PRICKLE1: variants seen among roughly 807,000 people sequenced by gnomAD.
PRICKLE1 encodes prickle-like protein 1.
In PRICKLE1, 14 loss-of-function variants were observed where a neutral mutation model predicts 70.2. The ratio of observed to expected loss-of-function variants is 0.20; its 90% CI spans 0.13 to 0.31. The LOEUF is 0.31. Ranked by LOEUF, PRICKLE1 falls within the 10% of genes least tolerant of loss-of-function variation. The pLI, the probability that PRICKLE1 is intolerant of heterozygous loss-of-function variation, is 1.00. For missense variants in PRICKLE1, 821 were observed against 1,026.2 expected, an observed-to-expected ratio of 0.80 and a Z score of 2.73; for synonymous variants, 357 against 379.9, an observed-to-expected ratio of 0.94 and a Z score of 0.70.
chr12:42,510,593 T>A (rs1939494925), intron 1 of PRICKLE1, among the ~76,000 whole-genome samples: 1 of 151,868 alleles, frequency 6.6e-6, no homozygotes, highest in Non-Finnish European at 1.5e-5. Context: ...ACTTTTTTTT[T>A]AAAGGTTTTT....
intron 1 of PRICKLE1, among the ~76,000 whole-genome samples, chr12:42,531,892 T>C (rs541866221): frequency 3.3e-5 from 5 of 152,348 alleles, no homozygotes; most frequent in Admixed American, 1.3e-4. Context: ...GTATGGTAAC[T>C]TATGCTTGTA....
At chr12:42,479,499 A>G (rs1157678199) in intron 1 of PRICKLE1, among the ~76,000 whole-genome samples, 2 of 152,260 alleles carry the variant, frequency 1.3e-5, no homozygotes, top group African/African-American at 4.8e-5. Flanking sequence ...CCTTATTCAT[A>G]TAACACAGTG....
rs1938022245 is a variant in PRICKLE1 at position 42,464,794 on chromosome 12, A to G, written c.1240T>C (p.Tyr414His). The change falls in exon 7 of 8, where the codon TAT becomes CAT. Residue 414 changes from tyrosine (Y) to histidine (H), a missense_variant. By Grantham distance (83) the Tyr-to-His change is moderately conservative. Transcript: ENST00000345127. This position sits in a 1 kb window ranked among gnomAD's most constrained non-coding sequence, Gnocchi z 4.2. Reference sequence around the variant, plus strand: ...AACTTGAGGAGGAGCTGCGTCATATAATCTTCATGATCAGCCCATTCTTCA... The same window carrying G: ...AACTTGAGGAGGAGCTGCGTCATATGATCTTCATGATCAGCCCATTCTTCA... Reference protein sequence around the residue: ...DPEEWADHEDYMTQLLLKFGD... With the variant: ...DPEEWADHEDHMTQLLLKFGD... The G allele has an allele frequency of 1.9e-6, 3 of 1,614,052 alleles. No homozygotes were observed. Among genetic ancestry groups the G allele is most frequent in the Non-Finnish European group, 2.5e-6 (3 of 1,180,012 alleles).
rs201450953 is a variant in PRICKLE1, at chr12:42,464,390, C to G, written c.1639+5G>C. The G allele has an allele frequency of 6.2e-7, 1 of 1,614,116 alleles. No homozygotes were observed. Among genetic ancestry groups the G allele is most frequent in the South Asian group, 1.1e-5 (1 of 91,076 alleles). Reference sequence around the variant, plus strand: ...CAAATACCCCATAATCCCTAGATTACGTACCTGTGATATTGGACAATGCCA... The same window carrying G: ...CAAATACCCCATAATCCCTAGATTAGGTACCTGTGATATTGGACAATGCCA... On this transcript the variant is annotated splice_donor_5th_base_variant and intron_variant, in intron 7 of 7. Coordinates refer to ENST00000345127, the MANE Select transcript of PRICKLE1 (RefSeq NM_153026.3). The surrounding 1 kb of genome is among the most constrained non-coding windows in gnomAD (Gnocchi z 4.2).
intron 1 of PRICKLE1, among the ~76,000 whole-genome samples, chr12:42,509,603 A>G (rs1002964047): frequency 1.3e-5 from 2 of 152,154 alleles, no homozygotes; most frequent in African/African-American, 4.8e-5. Context: ...AAGGAACTGG[A>G]CAAAGGTTTG....
intron 3 of PRICKLE1, chr12:42,470,022 T>C: frequency 1.9e-6 from 1 of 538,410 alleles, no homozygotes. Flanking sequence ...GGTGGGTGGC[T>C]GCAAACACTA....
chr12:42,502,124 A>C (rs1187681273), intron 1 of PRICKLE1, among the ~76,000 whole-genome samples: 1 of 151,808 alleles, frequency 6.6e-6, no homozygotes, highest in Admixed American at 6.6e-5. Flanking sequence ...GGCCTACTTA[A>C]CCGGAGTACT....
At chr12:42,531,524 G>T (rs896292851) in intron 1 of PRICKLE1, among the ~76,000 whole-genome samples, 1 of 152,086 alleles carries the variant, frequency 6.6e-6, no homozygotes, top group East Asian at 1.9e-4. Flanking sequence ...TTAAAAATAT[G>T]CCTACTGTTA....
intron 1 of PRICKLE1, among the ~76,000 whole-genome samples, chr12:42,588,928 T>C (rs1387745179): frequency 6.6e-6 from 1 of 152,216 alleles, no homozygotes; most frequent in Non-Finnish European, 1.5e-5. Flanking sequence ...TTTTTCCCTA[T>C]ATCTGTGCTA....
Position 42,472,403 on chromosome 12 carries a change from C to A in PRICKLE1, c.114G>T (p.Pro38=). The change falls in exon 2 of 8, where the codon CCG becomes CCT. Residue 38 remains proline, a synonymous_variant. Transcript: ENST00000345127. ...CALEEYAWVP[P]GLRPEQIQLY... ...TTCCTACCTGCTCTGGTCTCAGGCC[C>A]GGGGGGACCCAGGCGTACTCCTCCA... 6.2e-7 allele frequency: 1 copy of A among 1,614,050 alleles called. No homozygotes were observed. The highest frequency in any genetic ancestry group is 2.2e-5 in the East Asian group (1 of 44,874).
At chr12:42,474,290 T>C (rs746213571) in intron 1 of PRICKLE1, among the ~76,000 whole-genome samples, 24 of 152,102 alleles carry the variant, frequency 1.6e-4, no homozygotes, top group Non-Finnish European at 3.4e-4. Context: ...TAAAATAAAA[T>C]AAAACTTGAT....
chr12:42,587,639 G>A (rs2060253242), intron 1 of PRICKLE1, among the ~76,000 whole-genome samples: 1 of 152,220 alleles, frequency 6.6e-6, no homozygotes, highest in Non-Finnish European at 1.5e-5. Flanking sequence ...GGTACCAGCA[G>A]GTGCTGTATT....
intron 2 of PRICKLE1, 136 bp downstream of exon 2, chr12:42,472,249 T>C: frequency 2.0e-6 from 2 of 1,025,266 alleles, no homozygotes; most frequent in African/African-American, 1.6e-5. Context: ...TTCAAAGCCA[T>C]ACAAAGAAGA....
chr12:42,588,430 T>C (rs1432888315), intron 1 of PRICKLE1, among the ~76,000 whole-genome samples: 1 of 152,152 alleles, frequency 6.6e-6, no homozygotes, highest in Non-Finnish European at 1.5e-5. Context: ...CACATATACA[T>C]GCATCCATTT....
At chr12:42,561,895 T>TTTTTC (rs1566127540) in intron 1 of PRICKLE1, among the ~76,000 whole-genome samples, 6 of 146,058 alleles carry the variant, frequency 4.1e-5, no homozygotes, top group East Asian at 4.1e-4. Flanking sequence ...ACTAATTTTC[T>TTTTTC]TTTTCTTTTC....
chr12:42,522,879 G>A (rs1939734960), intron 1 of PRICKLE1, among the ~76,000 whole-genome samples: 2 of 151,980 alleles, frequency 1.3e-5, no homozygotes, highest in African/African-American at 4.8e-5. Context: ...TTTGTGCCAT[G>A]CATTTTATCC....
intron 1 of PRICKLE1, among the ~76,000 whole-genome samples, chr12:42,578,108 C>G (rs1940832143): frequency 6.6e-6 from 1 of 152,060 alleles, no homozygotes; most frequent in Admixed American, 6.6e-5. Context: ...ATAAAGAACC[C>G]CCAAGTTGAA....
At chr12:42,471,897 T>C (rs1025891471) in intron 2 of PRICKLE1, among the ~76,000 whole-genome samples, 2 of 152,230 alleles carry the variant, frequency 1.3e-5, no homozygotes, top group African/African-American at 4.8e-5. Context: ...CTCTTTTATA[T>C]GCAAAGTTAT....
At chr12:42,527,486 T>C (rs1423205739) in intron 1 of PRICKLE1, among the ~76,000 whole-genome samples, 2 of 152,110 alleles carry the variant, frequency 1.3e-5, no homozygotes, top group Admixed American at 6.5e-5. Context: ...CCTTCCAGCA[T>C]GGAAGTCAAG....
Sources: gnomAD v4.1 joint callset for allele counts (sites outside exome capture counted in the v4.1 genomes callset) on GRCh38, gnomAD v4.1.1 for gene constraint, Gnocchi (gnomAD v3.1) non-coding constraint, MANE v1.5 for transcripts, NCBI Gene and HGNC (gene_info 2026-07-23, HGNC 2026-07-21) for gene names.